Variants in COL12A1 observed in about 807,000 individuals in gnomAD.
The protein encoded by COL12A1 is collagen alpha-1(XII) chain.
A neutral mutation model predicts 349.7 loss-of-function variants in COL12A1; 114 were observed. The observed-to-expected ratio is 0.33, with a 90% CI of 0.28 to 0.38. The LOEUF is 0.38. Ranked by LOEUF, COL12A1 falls within the 10% of genes least tolerant of loss-of-function variation. COL12A1 has a pLI of 1.00. For missense variants in COL12A1, 3,284 were observed against 3,756.9 expected (o/e 0.87, Z 3.29); for synonymous variants, 1,369 against 1,329.0 (o/e 1.03, Z -0.66).
chr6:75,115,825 T>A lies in COL12A1; in HGVS notation c.7656A>T (p.Ala2552=), dbSNP rs763305624. The A allele has an allele frequency of 1.9e-6, 3 of 1,613,462 alleles. No individual in the cohort carries two copies. The African/African-American group carries it at 4.0e-5, about 22-fold the overall frequency. Reference sequence around the variant, plus strand: ...CAAACGCATTCTTCTGAATCCTGTATGCTGAGTAGCTGGGGAAAGACCCTG... The same window carrying A: ...CAAACGCATTCTTCTGAATCCTGTAAGCTGAGTAGCTGGGGAAAGACCCTG... ...LESGSFPSYS[A]YRIQKNAFVN... is the part of the protein sequence containing the mutation. The change falls in exon 49 of 66, where the codon GCA becomes GCT. Residue 2552 remains alanine (A), a synonymous_variant. Coordinates refer to ENST00000322507, the MANE Select transcript of COL12A1 (RefSeq NM_004370.6).
Position 75,191,704 on chromosome 6 carries a change from G to C in COL12A1, c.391C>G (p.Gln131Glu), listed in dbSNP as rs1407188736. The change falls in exon 5 of 66, where the codon CAA becomes GAA. Residue 131 changes from glutamine (Q) to glutamate (E), a missense_variant. Gln to Glu is a conservative substitution (Grantham distance 29). Transcript: ENST00000322507. ...AAATAGTAAGAGAAACACTCACTTT[G>C]TATCTCGGTTTTTCCAGGTTTCTTC... ...VEKKPGKTEIQKCSVSAWTDL... is the reference protein window; with the variant it reads ...VEKKPGKTEIEKCSVSAWTDL... 5 of 1,594,804 alleles carry C rather than the reference G, an allele frequency of 3.1e-6. No homozygotes were observed. The highest frequency in any genetic ancestry group is 2.7e-5 in the African/African-American group (2 of 73,686).
At position 75,205,854 on chromosome 6, in the gene COL12A1, G is replaced by A; in HGVS notation, c.-113C>T. On this transcript the variant is annotated 5_prime_UTR_variant, in exon 1 of 66. Coordinates refer to ENST00000322507, the MANE Select transcript of COL12A1 (RefSeq NM_004370.6). Reference sequence around the variant, plus strand: ...GTCGGAGAAGCTGGTGCTCGGTGTGGCCCCCACACGCCCCGGCGATAGGCG... The same window carrying A: ...GTCGGAGAAGCTGGTGCTCGGTGTGACCCCCACACGCCCCGGCGATAGGCG... The A allele has an allele frequency of 6.5e-6, 1 of 153,446 alleles. No homozygotes were observed. The highest frequency in any genetic ancestry group is 1.5e-5 in the Non-Finnish European group (1 of 68,958). 9.5% of individuals were successfully genotyped at this position (153,446 alleles called of 1,614,324 possible).
intron 33 of COL12A1, 23 bp from the exon 34 acceptor site, chr6:75,133,445 A>G (rs1331320367): frequency 6.3e-7 from 1 of 1,594,374 alleles, no homozygotes; most frequent in Non-Finnish European, 8.5e-7. Flanking sequence ...ATAAAACAAA[A>G]AGCATTGACT....
chr6:75,121,621 A>T (rs541048171), intron 43 of COL12A1, among the ~76,000 whole-genome samples, 180 bp from the exon 44 acceptor site: 63 of 152,362 alleles, frequency 4.1e-4, no homozygotes, highest in African/African-American at 1.5e-3. Flanking sequence ...GACTTCCTGA[A>T]TCAGTACCAG....
In COL12A1 at chr6:75,181,595, G is replaced by C. The variant is rs1203598345; in HGVS notation, c.1892-384C>G. Among the ~76,000 whole-genome samples the C allele has an allele frequency of 2.6e-5, 4 of 152,208 alleles. No individual in the cohort carries two copies. The East Asian group carries it at 7.7e-4, about 29-fold the overall frequency. ...TTTTCCCATTCATCCCTGGTACTTG[G>C]ATATTAACCTTTGGTGGTTTGCAGA... On this transcript the variant is annotated intron_variant, in intron 10 of 65. Transcript: ENST00000322507.
chr6:75,132,037 G>C lies in COL12A1; in HGVS notation c.5840C>G (p.Pro1947Arg). The C allele has an allele frequency of 6.2e-7, 1 of 1,614,144 alleles. No individual in the cohort carries two copies. Among genetic ancestry groups the C allele is most frequent in the Non-Finnish European group, 8.5e-7 (1 of 1,179,984 alleles). The change falls in exon 35 of 66, where the codon CCT (proline) becomes CGT (arginine). Residue 1947 changes from proline to arginine, a missense_variant. Around this residue, in one of 2 missense-constraint regions of COL12A1, gnomAD observed 2,601 missense variants for 2,824.8 expected, o/e 0.92. Transcript: ENST00000322507. ...GTCCCAGCGAACATCGAGGCTGTTA[G>C]GTGTAGGATTGTATACTTGGACATT... ...ARNVQVYNPT[P>R]NSLDVRWDPA... is the part of the protein sequence containing the mutation.
intron 13 of COL12A1, among the ~76,000 whole-genome samples, chr6:75,172,315 T>C (rs1768679202): frequency 6.6e-6 from 1 of 152,200 alleles, no homozygotes; most frequent in African/African-American, 2.4e-5. Flanking sequence ...TAATATATTA[T>C]TCTTGGCAAA....
At chr6:75,197,599 A>T (rs1770300191) in intron 2 of COL12A1, among the ~76,000 whole-genome samples, 1 of 152,134 alleles carries the variant, frequency 6.6e-6, no homozygotes, top group Non-Finnish European at 1.5e-5. Context: ...GGAATAAGCC[A>T]CTGTGCCCAG....
chr6:75,195,924 CT>C (rs1448156356), intron 2 of COL12A1, among the ~76,000 whole-genome samples: 1 of 152,124 alleles, frequency 6.6e-6, no homozygotes, highest in African/African-American at 2.4e-5. Context: ...CGCATAAAAA[CT>C]TGGAAAAGTC....
rs1291334512 is a variant in COL12A1 at position 75,130,170 on chromosome 6, G to A, written c.6131C>T (p.Ala2044Val). Reference sequence around the variant, plus strand: ...AACTGGCCCATCAGCATGATCCCAGGCTACCGAGAGGCTATTGGTTGTTTC... The same window carrying A: ...AACTGGCCCATCAGCATGATCCCAGACTACCGAGAGGCTATTGGTTGTTTC... ...FGETTNSLSV[A>V]WDHADGPVQQ... The change falls in exon 37 of 66, where the codon GCC (alanine) becomes GTC (valine). Residue 2044 changes from alanine to valine, a missense_variant. Coordinates refer to ENST00000322507, the MANE Select transcript of COL12A1 (RefSeq NM_004370.6). 1 of 1,613,862 alleles carries A rather than the reference G, an allele frequency of 6.2e-7. No individual in the cohort carries two copies. The highest frequency in any genetic ancestry group is 1.3e-5 in the African/African-American group (1 of 74,868).
Position 75,105,299 on chromosome 6 carries a change from T to C in COL12A1, c.8179-7A>G. Reference sequence around the variant, plus strand: ...GGCATTTTCCCTCATCTCTCTGAAATTTTGAAAAGAATATTTACCTTTAAA... The same window carrying C: ...GGCATTTTCCCTCATCTCTCTGAAACTTTGAAAAGAATATTTACCTTTAAA... On this transcript the variant is annotated splice_region_variant and splice_polypyrimidine_tract_variant and intron_variant, in intron 53 of 65. Transcript: ENST00000322507. 6.2e-7 allele frequency: 1 copy of C among 1,611,566 alleles called. No individual in the cohort carries two copies. Among genetic ancestry groups the C allele is most frequent in the Non-Finnish European group, 8.5e-7 (1 of 1,178,240 alleles).
rs1767727217 is a variant in COL12A1 at position 75,155,845 on chromosome 6, A to C, written c.3260T>G (p.Phe1087Cys). 1 of 1,597,950 alleles carries C rather than the reference A, an allele frequency of 6.3e-7. No homozygotes were observed. The highest frequency in any genetic ancestry group is 8.5e-7 in the Non-Finnish European group (1 of 1,175,416). ...TGTTTTGAGGTTTCTAGGAGACTTA[A>C]ACCGAGAAGCTGTAAAGACAAAAAG... Reference protein sequence around the residue: ...RQGSGTTASRFKSPRNLKTSD... With the variant: ...RQGSGTTASRCKSPRNLKTSD... Residue 1087 changes from phenylalanine to cysteine, a missense_variant, in exon 16 of 66, where the codon TTT becomes TGT. By Grantham distance (205) the Phe-to-Cys change is radical. Coordinates refer to ENST00000322507, the MANE Select transcript of COL12A1 (RefSeq NM_004370.6).
At chr6:75,180,387 A>G (rs1266669633) in intron 11 of COL12A1, among the ~76,000 whole-genome samples, 4 of 152,170 alleles carry the variant, frequency 2.6e-5, no homozygotes, top group Non-Finnish European at 5.9e-5. Context: ...CTTAATGGGT[A>G]CAGAATTTCA....
chr6:75,113,462 T>C, intron 50 of COL12A1, 140 bp downstream of exon 50: 7 of 935,362 alleles, frequency 7.5e-6, no homozygotes, highest in Non-Finnish European at 8.9e-6. Flanking sequence ...TACTGATGTG[T>C]TATACTTGGA....
rs1281244389 is a variant in COL12A1, at chr6:75,121,457, G to T, written c.6947-16C>A. 6.6e-7 allele frequency: 1 copy of T among 1,521,794 alleles called. No individual in the cohort carries two copies. 94.3% of individuals were successfully genotyped at this position (1,521,794 alleles called of 1,614,324 possible). A position where few individuals can be genotyped will look rare whatever the true frequency, so the allele number is the denominator to read the frequency against. ...CCTTTGCATACTGCAAAAAAAGAAA[G>T]CAGAGGAAGCCCCAAATCTCATGAA... On this transcript the variant is annotated splice_polypyrimidine_tract_variant and intron_variant, in intron 43 of 65. Coordinates refer to ENST00000322507, the MANE Select transcript of COL12A1 (RefSeq NM_004370.6).
Position 75,183,424 on chromosome 6 carries a change from G to A in COL12A1, c.1517C>T (p.Ala506Val), listed in dbSNP as rs189762594. The change falls in exon 10 of 66, where the codon GCA (alanine) becomes GTA (valine). Residue 506 changes from alanine (A) to valine (V), a missense_variant. This residue lies in a region of COL12A1 where 2,601 missense variants were observed against 2,824.8 expected (regional missense o/e 0.92). Transcript: ENST00000322507. ...TCCTCTGTAAGGGAAGGTGTTTATT[G>A]CTTCAATTATATCTTCAACTTTGGT... ...KFTKVEDIIE[A>V]INTFPYRGGS... is the part of the protein sequence containing the mutation. The A allele has an allele frequency of 6.2e-7, 1 of 1,614,176 alleles. No individual in the cohort carries two copies. The highest frequency in any genetic ancestry group is 2.2e-5 in the East Asian group (1 of 44,890).
chr6:75,143,405 T>C lies in COL12A1; in HGVS notation c.4691-17A>G, dbSNP rs758238982. Reference sequence around the variant, plus strand: ...GTAAAGGCACTAGAGAAGCACGAGATATTAAATCCAGATGTGCTTCTCAAC... The same window carrying C: ...GTAAAGGCACTAGAGAAGCACGAGACATTAAATCCAGATGTGCTTCTCAAC... On this transcript the variant is annotated splice_polypyrimidine_tract_variant and intron_variant, in intron 25 of 65. Transcript: ENST00000322507. 6.2e-7 allele frequency: 1 copy of C among 1,610,872 alleles called. No individual in the cohort carries two copies. The highest frequency in any genetic ancestry group is 1.1e-5 in the South Asian group (1 of 90,116).
At chr6:75,128,562 A>T (rs937995266) in intron 37 of COL12A1, 137 bp from the exon 38 acceptor site, 1 of 653,736 alleles carries the variant, frequency 1.5e-6, no homozygotes, top group Non-Finnish European at 2.2e-6. Flanking sequence ...AATGCTCGTG[A>T]CAAGACAAAC....
intron 46 of COL12A1, 169 bp from the exon 47 acceptor site, chr6:75,117,715 T>C (rs1316906709): frequency 5.1e-6 from 3 of 591,396 alleles, no homozygotes; most frequent in Non-Finnish European, 8.4e-6. Context: ...TTTTTCCAGG[T>C]CTTTCTATTT....
Sources: gnomAD v4.1 joint callset for allele counts (sites outside exome capture counted in the v4.1 genomes callset) on GRCh38, gnomAD v4.1.1 for gene constraint, gnomAD v4.1.1 regional missense constraint, MANE v1.5 for transcripts, NCBI Gene and HGNC (gene_info 2026-07-23, HGNC 2026-07-21) for gene names.